The following SLTM variants were observed in gnomAD, a reference collection of about 807,000 sequenced individuals.
SLTM encodes SAFB-like transcription modulator.
SLTM carries 43 observed loss-of-function variants against 134.6 expected under a neutral mutation model. That is an observed-to-expected ratio of 0.32 (90% CI 0.25 to 0.41). The LOEUF is 0.41. Ranked by LOEUF, SLTM falls within the 10% of genes least tolerant of loss-of-function variation. The probability of loss-of-function intolerance (pLI) is 1.00; values close to 1 mark genes in which losing one functional copy is unlikely to be tolerated. For synonymous variants in SLTM, 424 were observed against 432.3 expected (o/e 0.98, Z 0.24); for missense variants, 1,055 against 1,288.8 (o/e 0.82, Z 2.78).
chr15:58,933,072 A>C (rs1465627497), intron 1 of SLTM, among the ~76,000 whole-genome samples: 3 of 152,182 alleles, frequency 2.0e-5, no homozygotes, highest in Admixed American at 1.3e-4. Flanking sequence ...CTGGGGAGCC[A>C]GCGCCTCCCA....
chr15:58,926,505 A>G lies in SLTM; in HGVS notation c.250+5851T>C, dbSNP rs144133600. 3.6e-3 allele frequency among the ~76,000 whole-genome samples: 545 copies of G among 152,324 alleles called. 6 individuals carry two copies. The highest frequency in any genetic ancestry group is 0.01 in the Middle Eastern group (3 of 294). On this transcript the variant is annotated intron_variant, in intron 2 of 20. Coordinates refer to ENST00000380516, the MANE Select transcript of SLTM (RefSeq NM_024755.4). ...AGAAAGCTTTACAGAGTAAACATGT[A>G]CTTAATTATAAACATGTATATATAT...
rs2035315104 is a variant in SLTM at position 58,899,364 on chromosome 15, G to A, written c.1058+105C>T. On this transcript the variant is annotated intron_variant, in intron 7 of 20. Transcript: ENST00000380516. The surrounding 1 kb of genome is among the most constrained non-coding windows in gnomAD (Gnocchi z 5.0). ...AAAAATATTATAGGCAGGATCATAA[G>A]ACACTAATTACTGTACATGTTCTTG... 2 of 874,184 alleles carry A rather than the reference G, an allele frequency of 2.3e-6. No individual in the cohort carries two copies. Among genetic ancestry groups the A allele is most frequent in the East Asian group, 2.4e-5 (1 of 41,360 alleles). 54.2% of individuals were successfully genotyped at this position (874,184 alleles called of 1,614,324 possible).
intron 5 of SLTM, among the ~76,000 whole-genome samples, chr15:58,908,002 C>CGTGTGT (rs140029214): frequency 0.11 from 15,950 of 139,784 alleles, 1,089 homozygotes; most frequent in South Asian, 0.18. Context: ...AAACATGCTG[C>CGTGTGT]GTGTGTGTGT....
intron 2 of SLTM, among the ~76,000 whole-genome samples, chr15:58,924,979 C>T (rs1440607093): frequency 2.0e-5 from 3 of 151,622 alleles, no homozygotes; most frequent in Non-Finnish European, 2.9e-5. Flanking sequence ...GCCACTGCTC[C>T]CAGCCTAAGG....
Position 58,912,591 on chromosome 15 carries a change from C to T in SLTM, c.533G>A (p.Gly178Asp). The change falls in exon 5 of 21, where the codon GGT (glycine) becomes GAT (aspartate). Residue 178 changes from glycine to aspartate, a missense_variant. By Grantham distance (94) the Gly-to-Asp change is moderately conservative (BLOSUM62 -1). Transcript: ENST00000380516. ...IESQEIEAQE[G>D]EDDTFLTAQD... ...GGCTGTTAGAAAGGTATCATCTTCA[C>T]CTTCTTGAGCTTCAATTTCCTAAGT... The T allele has an allele frequency of 6.2e-7, 1 of 1,609,822 alleles. No individual in the cohort carries two copies. The highest frequency in any genetic ancestry group is 8.5e-7 in the Non-Finnish European group (1 of 1,177,564).
intron 9 of SLTM, among the ~76,000 whole-genome samples, chr15:58,895,117 C>G (rs1196251057): frequency 3.3e-5 from 5 of 152,148 alleles, no homozygotes; most frequent in African/African-American, 4.8e-5. Flanking sequence ...TTCCTCCCCT[C>G]AAATATGTAG....
In SLTM at chr15:58,913,695, TC is replaced by T; in HGVS notation, c.316del (p.Asp106ThrfsTer18). On this transcript the variant is annotated frameshift_variant and splice_region_variant, in exon 4 of 21. Coordinates refer to ENST00000380516, the MANE Select transcript of SLTM (RefSeq NM_024755.4). LOFTEE classifies it high-confidence loss of function. ...TGCCTCTTGATTCTCCAATTCACAG[TC>T]CTTTTAATGGTAAGAAAATTTGGTA... ...ASVEDDAFIKDCELENQEAHE... is the reference protein window; with the variant it reads ...ASVEDDAFIKXCELENQEAHE... 6.2e-7 allele frequency: 1 copy of T among 1,612,994 alleles called. No individual in the cohort carries two copies. Among genetic ancestry groups the T allele is most frequent in the Non-Finnish European group, 8.5e-7 (1 of 1,179,580 alleles).
At chr15:58,931,095 C>T (rs184129552) in intron 2 of SLTM, among the ~76,000 whole-genome samples, 5 of 152,292 alleles carry the variant, frequency 3.3e-5, no homozygotes, top group African/African-American at 9.6e-5. Flanking sequence ...GAATTTCTAT[C>T]GTTTTCCATT....
rs1473220521 is a variant in SLTM, at chr15:58,887,236, G to A, written c.2680C>T (p.Arg894Trp). ...KSEGSMSTDK[R>W]ETRVERPERS... Reference sequence around the variant, plus strand: ...ATAGTACACAGCTACCTTGTTTCCCGTTTGTCAGTGGACATGCTTCCTTCA... The same window carrying A: ...ATAGTACACAGCTACCTTGTTTCCCATTTGTCAGTGGACATGCTTCCTTCA... Residue 894 changes from arginine to tryptophan, a missense_variant, in exon 18 of 21, where the codon CGG becomes TGG. Physicochemically the swap from Arg to Trp is moderately radical, Grantham distance 101. Coordinates refer to ENST00000380516, the MANE Select transcript of SLTM (RefSeq NM_024755.4). 6.2e-6 allele frequency: 10 copies of A among 1,613,596 alleles called. No individual in the cohort carries two copies. Among genetic ancestry groups the A allele is most frequent in the Non-Finnish European group, 7.6e-6 (9 of 1,179,726 alleles).
chr15:58,903,832 C>T (rs781396089), intron 5 of SLTM, among the ~76,000 whole-genome samples: 15 of 151,540 alleles, frequency 9.9e-5, no homozygotes, highest in African/African-American at 1.5e-4. Flanking sequence ...TGAAAAAAGA[C>T]GAAAAAAATG....
Position 58,912,594 on chromosome 15 carries a change from T to C in SLTM, c.530A>G (p.Glu177Gly), listed in dbSNP as rs1294632226. Residue 177 changes from glutamate to glycine, a missense_variant, in exon 5 of 21, where the codon GAA becomes GGA. This residue lies in a region of SLTM where 268 missense variants were observed against 284.3 expected (regional missense o/e 0.94). Transcript: ENST00000380516. The part of the protein sequence containing the change: ...DIESQEIEAQ[E>G]GEDDTFLTAQ... ...TGTTAGAAAGGTATCATCTTCACCTTCTTGAGCTTCAATTTCCTAAGTAAA... is the reference window on the plus strand; with the variant it reads ...TGTTAGAAAGGTATCATCTTCACCTCCTTGAGCTTCAATTTCCTAAGTAAA... The C allele has an allele frequency of 6.2e-7, 1 of 1,609,340 alleles. No homozygotes were observed. Among genetic ancestry groups the C allele is most frequent in the South Asian group, 1.1e-5 (1 of 90,316 alleles).
intron 14 of SLTM, among the ~76,000 whole-genome samples, chr15:58,890,739 A>C (rs1345430689): frequency 6.6e-6 from 1 of 152,226 alleles, no homozygotes. Flanking sequence ...AATTACTATA[A>C]TAGTCCATTA....
At chr15:58,922,586 A>T (rs186111501) in intron 2 of SLTM, among the ~76,000 whole-genome samples, 73 of 145,882 alleles carry the variant, frequency 5.0e-4, no homozygotes, top group East Asian at 2.0e-3. Flanking sequence ...TATACGTATA[A>T]AATATATATT....
intron 2 of SLTM, among the ~76,000 whole-genome samples, chr15:58,922,046 C>T (rs950745029): frequency 2.0e-5 from 3 of 151,928 alleles, no homozygotes; most frequent in African/African-American, 7.3e-5. Flanking sequence ...TGTGAAAAAA[C>T]ACTTCCCCTC....
At chr15:58,881,403 T>C (rs1234400652) in intron 20 of SLTM, among the ~76,000 whole-genome samples, 1 of 151,806 alleles carries the variant, frequency 6.6e-6, no homozygotes, top group African/African-American at 2.4e-5. Flanking sequence ...TGGCACACGC[T>C]GTTGTCCCAG....
intron 2 of SLTM, among the ~76,000 whole-genome samples, chr15:58,918,071 A>G (rs2036771621): frequency 6.6e-6 from 1 of 151,894 alleles, no homozygotes; most frequent in Non-Finnish European, 1.5e-5. Flanking sequence ...TGGAACTTTA[A>G]AATAATTTTC....
At chr15:58,882,446 G>A (rs1048196951) in intron 20 of SLTM, among the ~76,000 whole-genome samples, 18 of 152,234 alleles carry the variant, frequency 1.2e-4, no homozygotes, top group African/African-American at 3.6e-4. Flanking sequence ...GCTTAGCCAC[G>A]GGAAGGAGCC....
chr15:58,923,482 A>T (rs1239409525), intron 2 of SLTM, among the ~76,000 whole-genome samples: 2 of 152,212 alleles, frequency 1.3e-5, no homozygotes, highest in African/African-American at 4.8e-5. Flanking sequence ...GTGTAACCCC[A>T]TCCTGTCAAT....
chr15:58,923,594 A>G lies in SLTM; in HGVS notation c.251-6595T>C, dbSNP rs1195292579. Among the ~76,000 whole-genome samples, 6 of 152,120 alleles carry G rather than the reference A, an allele frequency of 3.9e-5. No homozygotes were observed. In the East Asian group the frequency reaches 1.2e-3, roughly 29 times the overall value. On this transcript the variant is annotated intron_variant, in intron 2 of 20. Transcript: ENST00000380516. ...CCCTTAAATTCCGACAAGCGGCACT[A>G]TCTTCAGCACATTTTTGTAGAGTCA... is the stretch of plus-strand genomic sequence containing the variant.
Sources: gnomAD v4.1 joint callset for allele counts (sites outside exome capture counted in the v4.1 genomes callset) on GRCh38, gnomAD v4.1.1 for gene constraint, gnomAD v4.1.1 regional missense constraint, Gnocchi (gnomAD v3.1) non-coding constraint, MANE v1.5 for transcripts, NCBI Gene and HGNC (gene_info 2026-07-23, HGNC 2026-07-21) for gene names.